The following PAG1 variants were observed in gnomAD, a reference collection of about 807,000 sequenced individuals.
PAG1 encodes the protein phosphoprotein associated with glycosphingolipid-enriched microdomains 1.
Under a neutral mutation model 31.7 loss-of-function variants are expected in PAG1, and 23 were observed. That is an observed-to-expected ratio of 0.73 (90% CI 0.52 to 1.03). PAG1 has a LOEUF of 1.03. Ranked by LOEUF, PAG1 falls within the 50% of genes least tolerant of loss-of-function variation. The pLI, the probability that PAG1 is intolerant of heterozygous loss-of-function variation, is 0.00. For missense variants in PAG1, 473 were observed against 540.7 expected, an observed-to-expected ratio of 0.87 and a Z score of 1.24; for synonymous variants, 214 against 210.3, an observed-to-expected ratio of 1.02 and a Z score of -0.15.
intron 1 of PAG1, among the ~76,000 whole-genome samples, chr8:81,070,598 T>G (rs992418016): frequency 1.1e-4 from 17 of 151,144 alleles, no homozygotes; most frequent in African/African-American, 4.1e-4. Flanking sequence ...GCAATGCACA[T>G]GGATTAAGCA....
Position 80,987,583 on chromosome 8 carries a change from C to A in PAG1, c.178-117G>T. The A allele has an allele frequency of 4.3e-6, 3 of 689,970 alleles. No homozygotes were observed. The South Asian group carries it at 5.0e-5, about 11-fold the overall frequency. The allele number at this position is 689,970 out of a possible 1,614,324, so 42.7% of individuals were successfully genotyped here. On this transcript the variant is annotated intron_variant, in intron 5 of 8. Transcript: ENST00000220597. ...AAATTAAAACAGCAGAAACAGAAAACAGAATCTCCTATAATAGTCCCCCCT... is the reference window on the plus strand; with the variant it reads ...AAATTAAAACAGCAGAAACAGAAAAAAGAATCTCCTATAATAGTCCCCCCT...
intron 3 of PAG1, among the ~76,000 whole-genome samples, chr8:81,002,347 T>A (rs1807801263): frequency 6.6e-6 from 1 of 152,240 alleles, no homozygotes; most frequent in Non-Finnish European, 1.5e-5. Context: ...ATTGAAAAGA[T>A]CCACTTCCTT....
chr8:81,025,116 C>T (rs1470109918), intron 3 of PAG1, among the ~76,000 whole-genome samples: 2 of 152,008 alleles, frequency 1.3e-5, no homozygotes, highest in African/African-American at 4.8e-5. Flanking sequence ...TATTGATTTT[C>T]CCTCAATATC....
chr8:81,033,459 G>T (rs1348681899), intron 2 of PAG1, among the ~76,000 whole-genome samples: 2 of 152,162 alleles, frequency 1.3e-5, no homozygotes, highest in Non-Finnish European at 2.9e-5. Flanking sequence ...AATGATTATT[G>T]ACCCAATCAA....
chr8:81,092,512 T>C (rs1237774662), intron 1 of PAG1, among the ~76,000 whole-genome samples: 3 of 152,238 alleles, frequency 2.0e-5, no homozygotes, highest in Non-Finnish European at 4.4e-5. Context: ...AGAATCTACA[T>C]GTCAGAATGA....
intron 3 of PAG1, among the ~76,000 whole-genome samples, chr8:81,014,197 C>T (rs1808033812): frequency 6.6e-6 from 1 of 152,178 alleles, no homozygotes; most frequent in African/African-American, 2.4e-5. Context: ...TATCAAGCCC[C>T]AGATGGCTTA....
chr8:81,051,230 T>C (rs777966024), intron 2 of PAG1, among the ~76,000 whole-genome samples: 11 of 152,186 alleles, frequency 7.2e-5, no homozygotes, highest in Non-Finnish European at 1.0e-4. Context: ...AGTGTCCCTG[T>C]TAGATGTGAT....
intron 1 of PAG1, among the ~76,000 whole-genome samples, chr8:81,092,204 AAAAAAAAAGGAAAAG>A (rs1809458570): frequency 6.6e-6 from 1 of 150,856 alleles, no homozygotes. Flanking sequence ...AAAAAAAAAA[AAAAAAAAAGGAAAAG>A]AAAAAAAAGA....
intron 1 of PAG1, 140 bp downstream of exon 1, chr8:81,111,451 C>G (rs555338696): frequency 6.6e-6 from 1 of 152,558 alleles, no homozygotes; most frequent in Non-Finnish European, 1.5e-5. Flanking sequence ...TGCCTTGTCC[C>G]CTTCTTGGCA....
chr8:81,026,881 T>C (rs1471988411), intron 3 of PAG1, among the ~76,000 whole-genome samples: 1 of 152,078 alleles, frequency 6.6e-6, no homozygotes. Context: ...AACAATAAAA[T>C]AAAAACTGCT....
intron 2 of PAG1, among the ~76,000 whole-genome samples, chr8:81,041,292 G>A (rs929539644): frequency 6.6e-6 from 1 of 152,022 alleles, no homozygotes; most frequent in Non-Finnish European, 1.5e-5. Flanking sequence ...AACCACAATA[G>A]AGGGACAAAA....
Position 81,018,665 on chromosome 8 carries a change from C to A in PAG1, c.-81+11331G>T, listed in dbSNP as rs183035823. On this transcript the variant is annotated intron_variant, in intron 3 of 8. Transcript: ENST00000220597. Reference sequence around the variant, plus strand: ...CTCTCTTGCCTGCTGCCATGTGAGACAGGCCTTTGCTTCTTCTTTGCCTTA... The same window carrying A: ...CTCTCTTGCCTGCTGCCATGTGAGAAAGGCCTTTGCTTCTTCTTTGCCTTA... 3.5e-3 allele frequency among the ~76,000 whole-genome samples: 530 copies of A among 152,334 alleles called. 4 individuals are homozygous for A. Among genetic ancestry groups the A allele is most frequent in the Middle Eastern group, 0.014 (4 of 294 alleles).
chr8:81,007,009 T>C (rs1212320930), intron 3 of PAG1, among the ~76,000 whole-genome samples: 4 of 152,208 alleles, frequency 2.6e-5, no homozygotes, highest in Non-Finnish European at 2.9e-5. Flanking sequence ...CTTCAGGTTG[T>C]ACAATGAGAA....
chr8:81,027,746 A>G (rs1808306979), intron 3 of PAG1, among the ~76,000 whole-genome samples: 1 of 151,966 alleles, frequency 6.6e-6, no homozygotes, highest in East Asian at 1.9e-4. Flanking sequence ...TCTATTAAAA[A>G]TACAAAAAAT....
chr8:80,993,563 T>C lies in PAG1; in HGVS notation c.-80-256A>G, dbSNP rs539699458. On this transcript the variant is annotated intron_variant, in intron 3 of 8. Transcript: ENST00000220597. ...CCCAGTGTTTGAAGCAATGGATGTC[T>C]TATCTTGATATGTTTGGGGGTGGAT... Among the ~76,000 whole-genome samples the C allele has an allele frequency of 4.6e-5, 7 of 152,088 alleles. No homozygotes were observed. The East Asian group carries it at 1.2e-3, about 25-fold the overall frequency.
chr8:80,977,537 G>T (rs768696501), intron 8 of PAG1, among the ~76,000 whole-genome samples: 1 of 152,202 alleles, frequency 6.6e-6, no homozygotes, highest in East Asian at 1.9e-4. Context: ...CTGGATTCTC[G>T]TTGGTGGTAC....
chr8:81,030,346 GT>G (rs1214851512), intron 2 of PAG1, among the ~76,000 whole-genome samples: 1 of 152,030 alleles, frequency 6.6e-6, no homozygotes, highest in African/African-American at 2.4e-5. Context: ...AAAAAGCCAC[GT>G]AAGTGTCTAA....
chr8:81,094,663 G>A (rs557022801), intron 1 of PAG1, among the ~76,000 whole-genome samples: 85 of 151,348 alleles, frequency 5.6e-4, no homozygotes, highest in Admixed American at 2.0e-3. Context: ...TAGCTTTGAG[G>A]GAAAAAAAAA....
rs182079524 is a variant in PAG1, at chr8:81,019,458, C to T, written c.-81+10538G>A. Among the ~76,000 whole-genome samples the T allele has an allele frequency of 3.9e-5, 6 of 152,348 alleles. No individual in the cohort carries two copies. In the East Asian group the frequency reaches 7.7e-4, roughly 20 times the overall value. On this transcript the variant is annotated intron_variant, in intron 3 of 8. Transcript: ENST00000220597. ...AGGGCCCCCCTGTTCTGTGCAGCCC[C>T]GGGACATGGCGCCCTGCATCCCAGC... is the stretch of plus-strand genomic sequence containing the variant.
Sources: gnomAD v4.1 joint callset for allele counts (sites outside exome capture counted in the v4.1 genomes callset) on GRCh38, gnomAD v4.1.1 for gene constraint, MANE v1.5 for transcripts, NCBI Gene and HGNC (gene_info 2026-07-23, HGNC 2026-07-21) for gene names.